Variants in SUN1 observed in about 807,000 individuals in gnomAD.
SUN1 encodes Sad1 and UNC84 domain containing 1, also known as SUN domain-containing protein 1.
Under a neutral mutation model 103.2 loss-of-function variants are expected in SUN1, and 61 were observed. The observed-to-expected ratio is 0.59, with a 90% CI of 0.48 to 0.73. The LOEUF is 0.73. Among genes scored for constraint, SUN1 ranks in the 30% least tolerant of loss-of-function variants. SUN1 has a pLI of 0.00. For missense variants in SUN1, 1,052 were observed against 1,034.6 expected, an observed-to-expected ratio of 1.02 and a Z score of -0.23; for synonymous variants, 490 against 425.7, an observed-to-expected ratio of 1.15 and a Z score of -1.86.
At chr7:854,236 G>T (rs548895090) in intron 10 of SUN1, among the ~76,000 whole-genome samples, 2 of 152,260 alleles carry the variant, frequency 1.3e-5, no homozygotes, top group African/African-American at 2.4e-5. Flanking sequence ...CTTCCAGCAC[G>T]TGCCTGTGGG....
At chr7:859,225 T>G (rs1830272612) in intron 13 of SUN1, among the ~76,000 whole-genome samples, 1 of 152,008 alleles carries the variant, frequency 6.6e-6, no homozygotes. Flanking sequence ...CTGATGGGAC[T>G]TGCAGATTAC....
In SUN1 at chr7:873,590, T is replaced by G; in HGVS notation, c.*259T>G. 1 of 405,906 alleles carries G rather than the reference T, an allele frequency of 2.5e-6. No individual in the cohort carries two copies. The highest frequency in any genetic ancestry group is 4.5e-5 in the South Asian group (1 of 22,350). The allele number at this position is 405,906 out of a possible 1,614,324, so 25.1% of individuals were successfully genotyped here. The stretch of plus-strand genomic sequence containing the variant: ...CGTGGCTCTCAGACACTCCTTGTTT[T>G]TAACGGGAAGCTCTTTGCATTTGCA... On this transcript the variant is annotated 3_prime_UTR_variant, in exon 19 of 19. Transcript: ENST00000401592.
rs558830957 is a variant in SUN1 at position 817,822 on chromosome 7, C to T, written c.-74+1149C>T. 3.3e-5 allele frequency among the ~76,000 whole-genome samples: 5 copies of T among 152,210 alleles called. No individual in the cohort carries two copies. In the South Asian group the frequency reaches 6.2e-4, roughly 19 times the overall value. On this transcript the variant is annotated intron_variant, in intron 1 of 17. Coordinates refer to the SUN1 transcript ENST00000389574. Reference sequence around the variant, plus strand: ...CTAATAATTTCCTTTTCTTTGTTTACCCTTTTTTTCTGACTGTTCTGGAAA... The same window carrying T: ...CTAATAATTTCCTTTTCTTTGTTTATCCTTTTTTTCTGACTGTTCTGGAAA...
intron 5 of SUN1, chr7:848,425 G>A (rs549318587): frequency 5.2e-6 from 7 of 1,357,956 alleles, no homozygotes; most frequent in Admixed American, 4.0e-5. Context: ...TAGGCGGTGC[G>A]TCTTTCTACG....
At chr7:847,463 T>G (rs1584726304) in intron 5 of SUN1, among the ~76,000 whole-genome samples, 2 of 111,152 alleles carry the variant, frequency 1.8e-5, no homozygotes, top group African/African-American at 6.9e-5. Context: ...CGCAGTCCAG[T>G]CTCCGGGGTC....
chr7:857,694 G>A (rs1828774697), intron 12 of SUN1, 134 bp from the exon 13 acceptor site: 2 of 1,167,278 alleles, frequency 1.7e-6, no homozygotes, highest in Admixed American at 2.8e-5. Flanking sequence ...TTCCACGTTA[G>A]TGTGGCACAG....
intron 5 of SUN1, chr7:850,338 A>G (rs539076902): frequency 8.6e-6 from 3 of 348,250 alleles, no homozygotes; most frequent in South Asian, 3.0e-5. Flanking sequence ...AGCTGGGACT[A>G]CAGGCGCACA....
At chr7:821,349 T>C (rs1405971358) in intron 1 of SUN1, among the ~76,000 whole-genome samples, 1 of 151,998 alleles carries the variant, frequency 6.6e-6, no homozygotes, top group Non-Finnish European at 1.5e-5. Context: ...TTTGTATTTT[T>C]AGTAGAGACA....
chr7:826,163 G>C (rs554053489), intron 1 of SUN1, among the ~76,000 whole-genome samples: 1 of 152,144 alleles, frequency 6.6e-6, no homozygotes, highest in African/African-American at 2.4e-5. Flanking sequence ...GGAGATGGAG[G>C]CTGCAGTGAG....
At chr7:837,018 G>C (rs1803959470) in intron 1 of SUN1, among the ~76,000 whole-genome samples, 1 of 152,236 alleles carries the variant, frequency 6.6e-6, no homozygotes, top group South Asian at 2.1e-4. Context: ...TGGATGGCCT[G>C]AGGACCTGGG....
chr7:825,234 T>C (rs1453407442), intron 1 of SUN1, among the ~76,000 whole-genome samples: 1 of 152,142 alleles, frequency 6.6e-6, no homozygotes, highest in African/African-American at 2.4e-5. Flanking sequence ...AATTTTGTTT[T>C]TGTATTTTCA....
At chr7:822,702 G>T (rs1229379390) in intron 1 of SUN1, among the ~76,000 whole-genome samples, 1 of 152,204 alleles carries the variant, frequency 6.6e-6, no homozygotes, top group Non-Finnish European at 1.5e-5. Context: ...ATCTGGACGT[G>T]GTGTGGATGT....
chr7:863,459 A>G (rs1227127423), intron 15 of SUN1, among the ~76,000 whole-genome samples: 5 of 152,176 alleles, frequency 3.3e-5, no homozygotes, highest in African/African-American at 1.2e-4. Flanking sequence ...CCTGTCCTGT[A>G]TCCTACTAAG....
chr7:864,512 C>A (rs1285680265), intron 15 of SUN1, among the ~76,000 whole-genome samples: 1 of 149,688 alleles, frequency 6.7e-6, no homozygotes, highest in Non-Finnish European at 1.5e-5. Flanking sequence ...CGAGATCGTA[C>A]CATTGCACTC....
chr7:844,312 C>G (rs1014303689), intron 5 of SUN1, among the ~76,000 whole-genome samples: 1 of 152,224 alleles, frequency 6.6e-6, no homozygotes, highest in Non-Finnish European at 1.5e-5. Context: ...TTCTCAAGCC[C>G]TTAGCAGCTT....
In SUN1 at chr7:842,065, C is replaced by T. The variant is rs199937447; in HGVS notation, c.386C>T (p.Thr129Ile). The change falls in exon 3 of 19, where the codon ACT (threonine) becomes ATT (isoleucine). Residue 129 changes from threonine to isoleucine, a missense_variant. Thr to Ile is a moderately conservative substitution (Grantham distance 89). Around this residue, in one of 2 missense-constraint regions of SUN1, gnomAD observed 846 missense variants for 774.5 expected, o/e 1.09. Transcript: ENST00000401592. ...ACTGTCAGCCTGCAGGATGCTGTGA[C>T]TCGACGGCCTCCTGTATTGGACGAG... is the stretch of plus-strand genomic sequence containing the variant. ...GGTVSLQDAV[T>I]RRPPVLDESW... 87 of 1,614,118 alleles carry T rather than the reference C, an allele frequency of 5.4e-5. No homozygotes were observed. Among genetic ancestry groups the T allele is most frequent in the Non-Finnish European group, 6.9e-5 (81 of 1,180,054 alleles).
chr7:852,582 G>C (rs1823296973), intron 7 of SUN1, 27 bp from the exon 8 acceptor site: 1 of 1,614,018 alleles, frequency 6.2e-7, no homozygotes. Flanking sequence ...TTTTTTCTAA[G>C]TCAAAGGTTT....
intron 1 of SUN1, among the ~76,000 whole-genome samples, chr7:818,872 T>C (rs1409823386): frequency 1.8e-5 from 1 of 56,296 alleles, no homozygotes; most frequent in Non-Finnish European, 3.4e-5. Flanking sequence ...CTCCCCCCCT[T>C]TTTTTTTTTG....
intron 11 of SUN1, 28 bp downstream of exon 11, chr7:855,034 T>C: frequency 6.4e-7 from 1 of 1,552,714 alleles, no homozygotes; most frequent in Non-Finnish European, 8.8e-7. Context: ...TACGCTTTTT[T>C]AAAATAAAAA....
Sources: gnomAD v4.1 joint callset for allele counts (sites outside exome capture counted in the v4.1 genomes callset) on GRCh38, gnomAD v4.1.1 for gene constraint, gnomAD v4.1.1 regional missense constraint, MANE v1.5 for transcripts, NCBI Gene and HGNC (gene_info 2026-07-23, HGNC 2026-07-21) for gene names.